The following SYNJ2 variants were observed in gnomAD, a reference collection of about 807,000 sequenced individuals.
SYNJ2 encodes synaptojanin 2, also known as polyphosphatidylinositol phosphatase SYNJ2.
A neutral mutation model predicts 141.3 loss-of-function variants in SYNJ2; 116 were observed. The ratio of observed to expected loss-of-function variants is 0.82; its 90% CI spans 0.71 to 0.96. The LOEUF (loss-of-function observed/expected upper bound fraction) is 0.96. SYNJ2 is among the 40% of genes least tolerant of loss of function. The pLI, the probability that SYNJ2 is intolerant of heterozygous loss-of-function variation, is 0.00. For synonymous variants in SYNJ2, 745 were observed against 777.7 expected (o/e 0.96, Z 0.70); for missense variants, 1,873 against 1,934.8 (o/e 0.97, Z 0.60).
intron 12 of SYNJ2, 49 bp downstream of exon 12, chr6:158,066,684 G>C (rs1280090662): frequency 6.3e-7 from 1 of 1,593,260 alleles, no homozygotes; most frequent in Non-Finnish European, 8.5e-7. Context: ...CACCTAACCT[G>C]ACATGTCACG....
intron 1 of SYNJ2, among the ~76,000 whole-genome samples, chr6:158,016,508 T>G (rs188696943): frequency 6.6e-6 from 1 of 152,180 alleles, no homozygotes; most frequent in Non-Finnish European, 1.5e-5. Context: ...TATTTTGTTC[T>G]GTGCACTTAA....
chr6:158,083,458 G>T lies in SYNJ2; in HGVS notation c.2895G>T (p.Pro965=). The T allele has an allele frequency of 6.2e-7, 1 of 1,614,160 alleles. No homozygotes were observed. Among genetic ancestry groups the T allele is most frequent in the South Asian group, 1.1e-5 (1 of 91,080 alleles). The change falls in exon 21 of 27, where the codon CCG becomes CCT. Residue 965 remains proline (P), a synonymous_variant. Coordinates refer to ENST00000355585, the MANE Select transcript of SYNJ2 (RefSeq NM_003898.4). Reference sequence around the variant, plus strand: ...AAGGCAGAGCAGTGAAGATTAGACCGAAGACCAAGGACTGGCTGAAAGGTT... The same window carrying T: ...AAGGCAGAGCAGTGAAGATTAGACCTAAGACCAAGGACTGGCTGAAAGGTT... ...KVKGRAVKIR[P]KTKDWLKGLR...
rs894582580 is a variant in SYNJ2 at position 158,096,716 on chromosome 6, G to A, written c.*352G>A. On this transcript the variant is annotated 3_prime_UTR_variant, in exon 27 of 27. Coordinates refer to ENST00000355585, the MANE Select transcript of SYNJ2 (RefSeq NM_003898.4). Reference sequence around the variant, plus strand: ...TGTTCAGTTCATGTTGTACGTGATGGAGATTTGTCTTTTGTTTTATTTGCA... The same window carrying A: ...TGTTCAGTTCATGTTGTACGTGATGAAGATTTGTCTTTTGTTTTATTTGCA... 5.7e-6 allele frequency: 1 copy of A among 175,710 alleles called. No individual in the cohort carries two copies. The highest frequency in any genetic ancestry group is 1.2e-5 in the Non-Finnish European group (1 of 84,134). 10.9% of individuals were successfully genotyped at this position (175,710 alleles called of 1,614,324 possible). A position where few individuals can be genotyped will look rare whatever the true frequency, so the allele number is the denominator to read the frequency against.
At chr6:158,029,905 C>T (rs7768038) in intron 3 of SYNJ2, among the ~76,000 whole-genome samples, 55,244 of 151,932 alleles carry the variant, frequency 0.36, 10,245 homozygotes, top group Middle Eastern at 0.49. Flanking sequence ...CCAAACTCCA[C>T]ACACTTACTA....
At chr6:158,066,271 C>A (rs1009013) in intron 11 of SYNJ2, among the ~76,000 whole-genome samples, 173 bp from the exon 12 acceptor site, 51,175 of 151,798 alleles carry the variant, frequency 0.34, 8,939 homozygotes, top group South Asian at 0.43. Context: ...TAAGGGAAGC[C>A]CCGTGGTGAC....
At chr6:158,055,503 A>ATGTGTGTG (rs61172281) in intron 6 of SYNJ2, among the ~76,000 whole-genome samples, 4,414 of 147,832 alleles carry the variant, frequency 0.03, 180 homozygotes, top group African/African-American at 0.098. Flanking sequence ...TTGGCATTTT[A>ATGTGTGTG]TGTGTGTGTG....
rs1356467601 is a variant in SYNJ2, at chr6:158,045,970, T to A, written c.795+2571T>A. 2.0e-5 allele frequency among the ~76,000 whole-genome samples: 3 copies of A among 152,298 alleles called. No individual in the cohort carries two copies. In the East Asian group the frequency reaches 5.8e-4, roughly 29 times the overall value. ...GTTTTGTTTTGTTTTTGAGACGAAG[T>A]CTTGCTCTGTCACCCAGGCTGGAGT... On this transcript the variant is annotated intron_variant, in intron 5 of 26. Coordinates refer to ENST00000355585, the MANE Select transcript of SYNJ2 (RefSeq NM_003898.4).
At chr6:158,063,403 G>A (rs1184622237) in intron 8 of SYNJ2, among the ~76,000 whole-genome samples, 3 of 152,114 alleles carry the variant, frequency 2.0e-5, no homozygotes, top group Non-Finnish European at 4.4e-5. Context: ...CCTCACACCT[G>A]TAATCCCAGC....
intron 1 of SYNJ2, among the ~76,000 whole-genome samples, chr6:158,014,452 T>A (rs1477868906): frequency 2.6e-5 from 4 of 152,250 alleles, no homozygotes; most frequent in African/African-American, 7.2e-5. Flanking sequence ...AACTCTGCAT[T>A]TCCTTTAGGA....
chr6:157,994,809 A>G (rs1777581076), intron 1 of SYNJ2, among the ~76,000 whole-genome samples: 1 of 152,230 alleles, frequency 6.6e-6, no homozygotes, highest in African/African-American at 2.4e-5. Flanking sequence ...GCTCTTTTTG[A>G]CAGGGGAAGA....
chr6:157,995,613 G>A (rs1016159385), intron 1 of SYNJ2, among the ~76,000 whole-genome samples: 3 of 152,218 alleles, frequency 2.0e-5, no homozygotes, highest in African/African-American at 7.2e-5. Context: ...GTGATCCCAT[G>A]TCTGGGATCT....
rs765932352 is a variant in SYNJ2 at position 158,071,605 on chromosome 6, C to T, written c.1944C>T (p.Asp648=). 1.2e-5 allele frequency: 19 copies of T among 1,613,448 alleles called. No homozygotes were observed. Among genetic ancestry groups the T allele is most frequent in the Admixed American group, 1.7e-5 (1 of 59,964 alleles). Residue 648 remains aspartate (D), a synonymous_variant, in exon 15 of 27, where the codon GAC becomes GAT. Coordinates refer to ENST00000355585, the MANE Select transcript of SYNJ2 (RefSeq NM_003898.4). The surrounding 1 kb of genome is among the most constrained non-coding windows in gnomAD (Gnocchi z 4.3). ...VRPYHVPFIR[D]VAIDTVKTGM... ...TGCGCGTATCCTTCTGTTCCAGGGA[C>T]GTAGCCATCGACACAGTGAAGACGG...
intron 26 of SYNJ2, chr6:158,094,012 C>T: frequency 1.3e-6 from 1 of 765,038 alleles, no homozygotes; most frequent in Non-Finnish European, 2.4e-6. Flanking sequence ...TCCGTTTGAT[C>T]TCAGTGTTCT....
intron 1 of SYNJ2, among the ~76,000 whole-genome samples, chr6:158,011,605 T>C (rs1778273556): frequency 6.6e-6 from 1 of 152,200 alleles, no homozygotes; most frequent in South Asian, 2.1e-4. Context: ...TTGTGCTTAA[T>C]TTTCCCAGTG....
chr6:158,017,508 G>C (rs936701476), intron 2 of SYNJ2: 12 of 596,552 alleles, frequency 2.0e-5, no homozygotes, highest in Admixed American at 9.8e-5. Context: ...TCTGCCTCCT[G>C]GGTTCAAGCA....
intron 25 of SYNJ2, among the ~76,000 whole-genome samples, chr6:158,092,288 T>C (rs1331744917): frequency 6.6e-6 from 1 of 152,106 alleles, no homozygotes; most frequent in Non-Finnish European, 1.5e-5. Flanking sequence ...GTCTCACTGG[T>C]CCCCATCCAA....
rs534963140 is a variant in SYNJ2 at position 158,043,133 on chromosome 6, G to A, written c.712-183G>A. Among the ~76,000 whole-genome samples the A allele has an allele frequency of 9.9e-5, 15 of 152,238 alleles. No individual in the cohort carries two copies. Among genetic ancestry groups the A allele is most frequent in the East Asian group, 1.9e-4 (1 of 5,168 alleles). On this transcript the variant is annotated intron_variant, in intron 4 of 26. Transcript: ENST00000355585. The surrounding 1 kb of genome is among the most constrained non-coding windows in gnomAD (Gnocchi z 4.0). ...AGGCTGGTCGACAGCCAGCATGCCC[G>A]CCCAGTACCTGGCGAGAGGTCAGGG... is the stretch of plus-strand genomic sequence containing the variant.
intron 1 of SYNJ2, among the ~76,000 whole-genome samples, chr6:158,016,061 C>A (rs1214961339): frequency 6.6e-6 from 1 of 152,136 alleles, no homozygotes; most frequent in Non-Finnish European, 1.5e-5. Flanking sequence ...CCCTGGCAAC[C>A]ACAACATCTA....
chr6:158,049,587 G>A (rs1422302857), intron 5 of SYNJ2, among the ~76,000 whole-genome samples: 2 of 152,200 alleles, frequency 1.3e-5, no homozygotes, highest in Non-Finnish European at 2.9e-5. Flanking sequence ...GAGGCGGTTA[G>A]ACAAGTCCAA....
Sources: allele counts gnomAD v4.1 joint callset (sites outside exome capture counted in the v4.1 genomes callset), GRCh38; gene constraint gnomAD v4.1.1; non-coding constraint Gnocchi (gnomAD v3.1); transcripts MANE v1.5; gene names NCBI Gene and HGNC (gene_info 2026-07-23, HGNC 2026-07-21).